The following NELL1 variants were observed in gnomAD, a reference collection of about 807,000 sequenced individuals.
NELL1 encodes the protein protein kinase C-binding protein NELL1.
NELL1 carries 76 observed loss-of-function variants against 107.4 expected under a neutral mutation model. The observed-to-expected ratio is 0.71, with a 90% CI of 0.59 to 0.86. The LOEUF (loss-of-function observed/expected upper bound fraction) is 0.86, where lower values mean the gene tolerates loss of function less well. NELL1 is among the 40% of genes least tolerant of loss of function. NELL1 has a pLI of 0.00. For missense variants in NELL1, 1,024 were observed against 1,005.5 expected, an observed-to-expected ratio of 1.02 and a Z score of -0.25; for synonymous variants, 353 against 341.2, an observed-to-expected ratio of 1.03 and a Z score of -0.38.
chr11:21,570,632 T>A (rs1282371621), intron 17 of NELL1, 132 bp from the exon 18 acceptor site: 2 of 657,786 alleles, frequency 3.0e-6, no homozygotes, highest in African/African-American at 3.7e-5. Flanking sequence ...TGAACACACA[T>A]GTGTGCTTCA....
At chr11:20,787,210 G>A (rs1856986417) in intron 3 of NELL1, among the ~76,000 whole-genome samples, 1 of 151,720 alleles carries the variant, frequency 6.6e-6, no homozygotes, top group African/African-American at 2.4e-5. Context: ...AGTCTGACAA[G>A]GCAAGGTATG....
At chr11:21,172,015 G>A (rs1473976970) in intron 13 of NELL1, among the ~76,000 whole-genome samples, 1 of 151,742 alleles carries the variant, frequency 6.6e-6, no homozygotes, top group African/African-American at 2.4e-5. Context: ...ATGTACTTAT[G>A]ATTATCTGGT....
intron 12 of NELL1, among the ~76,000 whole-genome samples, chr11:21,097,281 C>G (rs1854666922): frequency 6.6e-6 from 1 of 152,180 alleles, no homozygotes; most frequent in Admixed American, 6.5e-5. Context: ...GGAATAAATG[C>G]TTGGTGCCGT....
intron 15 of NELL1, among the ~76,000 whole-genome samples, chr11:21,405,257 A>T (rs1354930312): frequency 6.6e-6 from 1 of 152,048 alleles, no homozygotes; most frequent in African/African-American, 2.4e-5. Context: ...GTGCATTTCA[A>T]TGATGGCTTG....
chr11:21,077,282 A>G (rs1015482566), intron 12 of NELL1, among the ~76,000 whole-genome samples: 3 of 152,218 alleles, frequency 2.0e-5, no homozygotes, highest in Non-Finnish European at 4.4e-5. Context: ...CAGGCAACAA[A>G]AGGCAATTTA....
At chr11:20,755,875 T>G (rs1395068248) in intron 2 of NELL1, among the ~76,000 whole-genome samples, 3 of 4,408 alleles carry the variant, frequency 6.8e-4, no homozygotes, top group African/African-American at 1.6e-3. Context: ...GTTTTTTTTT[T>G]TTTTTTTTTT....
rs1394802694 is a variant in NELL1, at chr11:21,269,372, T to TCA, written c.1549+39919_1549+39920insAC. Among the ~76,000 whole-genome samples the TCA allele has an allele frequency of 5.1e-3, 776 of 151,502 alleles. 4 individuals are homozygous for TCA. Among genetic ancestry groups the TCA allele is most frequent in the African/African-American group, 0.018 (739 of 41,248 alleles). The stretch of plus-strand genomic sequence containing the variant: ...ATCCCTCTCTCTCTCTCTCTCTCTC[T>TCA]CTCTCACACACACACACACAGAGGC... On this transcript the variant is annotated intron_variant, in intron 14 of 19. Coordinates refer to ENST00000357134, the MANE Select transcript of NELL1 (RefSeq NM_006157.5).
At chr11:21,554,992 A>G (rs562839148) in intron 16 of NELL1, among the ~76,000 whole-genome samples, 1 of 152,090 alleles carries the variant, frequency 6.6e-6, no homozygotes, top group African/African-American at 2.4e-5. Context: ...AAAGAGAAAC[A>G]AGGACCAGAC....
At chr11:20,970,711 A>G (rs1451860335) in intron 12 of NELL1, among the ~76,000 whole-genome samples, 2 of 152,068 alleles carry the variant, frequency 1.3e-5, no homozygotes, top group Non-Finnish European at 2.9e-5. Flanking sequence ...GGACCAAAGG[A>G]TTTTGGTAGG....
At chr11:21,212,741 G>T (rs1857527088) in intron 13 of NELL1, among the ~76,000 whole-genome samples, 1 of 152,176 alleles carries the variant, frequency 6.6e-6, no homozygotes, top group Non-Finnish European at 1.5e-5. Flanking sequence ...GTGGTATAAG[G>T]TGGGGCTAAC....
chr11:21,005,476 T>A (rs897279213), intron 12 of NELL1, among the ~76,000 whole-genome samples: 1 of 152,170 alleles, frequency 6.6e-6, no homozygotes, highest in African/African-American at 2.4e-5. Context: ...ACCAGACTGG[T>A]GGCATTTAGA....
At chr11:21,371,416 G>T (rs776896437) in intron 15 of NELL1, among the ~76,000 whole-genome samples, 1 of 152,008 alleles carries the variant, frequency 6.6e-6, no homozygotes, top group Non-Finnish European at 1.5e-5. Context: ...TCTAATATTG[G>T]TTTATTAGGA....
intron 12 of NELL1, among the ~76,000 whole-genome samples, chr11:21,095,381 C>T (rs1854617110): frequency 6.6e-6 from 1 of 152,202 alleles, no homozygotes; most frequent in African/African-American, 2.4e-5. Context: ...GTTCCACCCT[C>T]TGCCTGTAAC....
At chr11:21,342,740 A>G (rs1308074854) in intron 14 of NELL1, among the ~76,000 whole-genome samples, 2 of 151,952 alleles carry the variant, frequency 1.3e-5, no homozygotes, top group Non-Finnish European at 2.9e-5. Flanking sequence ...AGAAAGAAAG[A>G]GAATAGTATG....
chr11:21,122,412 G>A (rs1855389712), intron 13 of NELL1, among the ~76,000 whole-genome samples: 1 of 152,094 alleles, frequency 6.6e-6, no homozygotes, highest in African/African-American at 2.4e-5. Flanking sequence ...TTAACAACCA[G>A]TGTTTTATCT....
At chr11:20,911,607 G>T (rs1192878786) in intron 5 of NELL1, among the ~76,000 whole-genome samples, 1 of 152,176 alleles carries the variant, frequency 6.6e-6, no homozygotes, top group African/African-American at 2.4e-5. Flanking sequence ...GACAGAATTT[G>T]TCTTTTTCTG....
intron 11 of NELL1, among the ~76,000 whole-genome samples, chr11:20,955,375 C>A (rs1851149658): frequency 6.6e-6 from 1 of 152,200 alleles, no homozygotes; most frequent in African/African-American, 2.4e-5. Flanking sequence ...ACCTCTTTCA[C>A]TTTTCATAAC....
At chr11:20,787,796 A>G (rs182371803) in intron 3 of NELL1, among the ~76,000 whole-genome samples, 57 of 152,298 alleles carry the variant, frequency 3.7e-4, no homozygotes, top group Admixed American at 2.9e-3. Flanking sequence ...CATCACCACA[A>G]TCAATTTTAG....
chr11:20,844,855 T>A (rs1027984561), intron 3 of NELL1, among the ~76,000 whole-genome samples: 1 of 152,212 alleles, frequency 6.6e-6, no homozygotes, highest in Non-Finnish European at 1.5e-5. Context: ...CTATTGGTGT[T>A]CTACAGACCA....
Sources: allele counts gnomAD v4.1 joint callset (sites outside exome capture counted in the v4.1 genomes callset), GRCh38; gene constraint gnomAD v4.1.1; transcripts MANE v1.5; gene names NCBI Gene and HGNC (gene_info 2026-07-23, HGNC 2026-07-21).